SRFBP1: variants seen among roughly 807,000 people sequenced by gnomAD.
SRFBP1 encodes serum response factor-binding protein 1.
In SRFBP1, 47 loss-of-function variants were observed where a neutral mutation model predicts 45.5. That is an observed-to-expected ratio of 1.03 (90% CI 0.82 to 1.32). The LOEUF is 1.32. Ranked by LOEUF, SRFBP1 falls within the 40% of genes most tolerant of loss-of-function variation. The probability of loss-of-function intolerance (pLI) is 0.00; values close to 1 mark genes in which losing one functional copy is unlikely to be tolerated. For missense variants in SRFBP1, 621 were observed against 484.6 expected (o/e 1.28, Z -2.64); for synonymous variants, 203 against 166.3 (o/e 1.22, Z -1.70).
Position 122,020,609 on chromosome 5 carries a change from C to T in SRFBP1, c.874C>T (p.Arg292Trp), listed in dbSNP as rs142010868. Reference sequence around the variant, plus strand: ...CGACTTCTTCATTGGGAAAGTCAGACGGACACGAAAGAAGGAAAGTAGTTG... The same window carrying T: ...CGACTTCTTCATTGGGAAAGTCAGATGGACACGAAAGAAGGAAAGTAGTTG... Reference protein sequence around the residue: ...GDDFFIGKVRRTRKKESSCHS... With the variant: ...GDDFFIGKVRWTRKKESSCHS... Residue 292 changes from arginine (R) to tryptophan (W), a missense_variant, in exon 6 of 8, where the codon CGG becomes TGG. Physicochemically the swap from Arg to Trp is moderately radical, Grantham distance 101. Transcript: ENST00000339397. 1.1e-4 allele frequency: 172 copies of T among 1,613,692 alleles called. 1 individual carries two copies. The African/African-American group carries it at 2.0e-3, about 19-fold the overall frequency.
chr5:122,078,083 C>T, downstream of SRFBP1: 16 of 1,198,748 alleles, frequency 1.3e-5, no homozygotes, highest in Non-Finnish European at 1.8e-5. Flanking sequence ...AATCTTCAAC[C>T]AAGGAGGCGA....
At position 122,019,289 on chromosome 5, in the gene SRFBP1, T is replaced by G. The variant is rs1753246720; in HGVS notation, c.300T>G (p.Ile100Met). The G allele has an allele frequency of 6.2e-7, 1 of 1,612,456 alleles. No homozygotes were observed. The highest frequency in any genetic ancestry group is 1.3e-5 in the African/African-American group (1 of 74,880). Residue 100 changes from isoleucine (I) to methionine (M), a missense_variant, in exon 5 of 8, where the codon ATT becomes ATG. Ile to Met is a conservative substitution (Grantham distance 10, BLOSUM62 1). Transcript: ENST00000339397. ...KPDSTATERA[I>M]ARLAVHPLLK... ...ATTCTACTGCAACTGAAAGAGCAATTGCCAGACTAGCAGTACATCCTCTTC... is the reference window on the plus strand; with the variant it reads ...ATTCTACTGCAACTGAAAGAGCAATGGCCAGACTAGCAGTACATCCTCTTC...
Position 122,035,737 on chromosome 5 carries a change from A to T in SRFBP1, n.311+13330A>T, listed in dbSNP as rs186072603. On this transcript the variant is annotated intron_variant and non_coding_transcript_variant, in intron 2 of 2. Coordinates refer to the SRFBP1 transcript ENST00000504881. ...GTAACCAAATTTATCAATCACTTCA[A>T]TTTGCCATCTGTGTTTTATCTTATG... 2.9e-3 allele frequency among the ~76,000 whole-genome samples: 446 copies of T among 152,206 alleles called. 2 individuals carry two copies. Among genetic ancestry groups the T allele is most frequent in the African/African-American group, 0.01 (420 of 41,524 alleles).
chr5:122,031,956 TGCTAGGAGCTGGGAGAG>T (rs779755443), downstream of SRFBP1, among the ~76,000 whole-genome samples: 161 of 152,346 alleles, frequency 1.1e-3, no homozygotes, highest in Middle Eastern at 3.4e-3. Flanking sequence ...CATCAGTGAT[TGCTAGGAGCTGGGAGAG>T]GGAAGAATAG....
intron 2 of SRFBP1, chr5:122,064,271 T>C (rs1474869083): frequency 6.6e-6 from 1 of 151,980 alleles, no homozygotes; most frequent in Non-Finnish European, 1.5e-5. Flanking sequence ...ATTATTATCT[T>C]TGAGTTTCGG....
intron 2 of SRFBP1, among the ~76,000 whole-genome samples, chr5:122,046,410 T>G (rs1365674881): frequency 1.3e-5 from 2 of 152,182 alleles, no homozygotes; most frequent in Non-Finnish European, 1.5e-5. Flanking sequence ...TATTCCATGG[T>G]GTATATGTGC....
chr5:121,967,279 C>T (rs886962255), intron 1 of SRFBP1, among the ~76,000 whole-genome samples: 2 of 152,090 alleles, frequency 1.3e-5, no homozygotes, highest in Non-Finnish European at 2.9e-5. Context: ...ACGCTTGTGT[C>T]GTGATTAGGT....
At chr5:122,008,771 C>A (rs1025534996) in intron 4 of SRFBP1, among the ~76,000 whole-genome samples, 2 of 152,086 alleles carry the variant, frequency 1.3e-5, no homozygotes, top group Non-Finnish European at 2.9e-5. Context: ...AACATTGTTA[C>A]ACATTTCTTT....
chr5:122,043,442 CTCACCTCAAG>C (rs1304297127), intron 2 of SRFBP1, among the ~76,000 whole-genome samples: 9 of 152,146 alleles, frequency 5.9e-5, no homozygotes, highest in African/African-American at 2.2e-4. Context: ...TCTCAAACTC[CTCACCTCAAG>C]TGATCCGCCC....
intron 3 of SRFBP1, among the ~76,000 whole-genome samples, chr5:121,977,140 AAG>A (rs935899798): frequency 6.6e-6 from 1 of 152,110 alleles, no homozygotes; most frequent in African/African-American, 2.4e-5. Context: ...GTAGGTTTAC[AAG>A]ATTACCACAT....
chr5:121,967,410 A>G (rs982304099), intron 1 of SRFBP1, among the ~76,000 whole-genome samples: 4 of 152,212 alleles, frequency 2.6e-5, no homozygotes, highest in African/African-American at 7.2e-5. Flanking sequence ...GCATATGCCC[A>G]ATAATGGTTA....
In SRFBP1 at chr5:122,074,196, G is replaced by A. The variant is rs200504998; in HGVS notation, n.312-1119G>A. 2.5e-5 allele frequency: 40 copies of A among 1,604,502 alleles called. No individual in the cohort carries two copies. The African/African-American group carries it at 4.9e-4, about 20-fold the overall frequency. ...TGATGTCCCACAAAACAAAAAGATG[G>A]TGGTCAGTTACATACAGAGAAAGCA... On this transcript the variant is annotated intron_variant and non_coding_transcript_variant, in intron 2 of 2. Transcript: ENST00000504881.
At chr5:121,974,564 T>C (rs1752264301) in intron 2 of SRFBP1, among the ~76,000 whole-genome samples, 1 of 151,884 alleles carries the variant, frequency 6.6e-6, no homozygotes, top group Non-Finnish European at 1.5e-5. Flanking sequence ...CCCTTGGGCT[T>C]GTGTGTTTTG....
chr5:122,073,720 G>A (rs559072701), intron 2 of SRFBP1, among the ~76,000 whole-genome samples: 2 of 152,222 alleles, frequency 1.3e-5, no homozygotes, highest in South Asian at 4.2e-4. Context: ...ATGCATAACT[G>A]GAAATACTTC....
At chr5:122,015,547 G>A (rs1430198949) in intron 4 of SRFBP1, among the ~76,000 whole-genome samples, 2 of 152,128 alleles carry the variant, frequency 1.3e-5, no homozygotes, top group Admixed American at 6.5e-5. Flanking sequence ...CAACTACTTC[G>A]CTTTACCATT....
chr5:122,078,230 C>T, downstream of SRFBP1: 1 of 405,162 alleles, frequency 2.5e-6, no homozygotes, highest in Non-Finnish European at 4.3e-6. Flanking sequence ...CGGGGAGCGG[C>T]GCGGCAGTCC....
intron 4 of SRFBP1, among the ~76,000 whole-genome samples, chr5:122,017,597 C>T (rs1753216208): frequency 1.3e-5 from 2 of 152,182 alleles, no homozygotes; most frequent in African/African-American, 4.8e-5. Context: ...GGACGCGATT[C>T]AACCTAGTAC....
chr5:122,051,836 C>T (rs1003909261), intron 2 of SRFBP1, among the ~76,000 whole-genome samples: 1 of 151,996 alleles, frequency 6.6e-6, no homozygotes, highest in African/African-American at 2.4e-5. Flanking sequence ...TGTGTGGTTG[C>T]TTTGTAGTGT....
intron 2 of SRFBP1, among the ~76,000 whole-genome samples, chr5:122,046,456 T>A (rs1016906057): frequency 3.3e-5 from 5 of 152,306 alleles, no homozygotes; most frequent in East Asian, 1.9e-4. Context: ...TTGTTGGACA[T>A]TTGGGTTGGT....
Sources: allele counts gnomAD v4.1 joint callset (sites outside exome capture counted in the v4.1 genomes callset), GRCh38; gene constraint gnomAD v4.1.1; transcripts MANE v1.5; gene names NCBI Gene and HGNC (gene_info 2026-07-23, HGNC 2026-07-21).